Variants in ANKRD26 observed in about 807,000 individuals in gnomAD.
ANKRD26 encodes the protein ankyrin repeat domain-containing protein 26.
A neutral mutation model predicts 208.7 loss-of-function variants in ANKRD26; 141 were observed. That is an observed-to-expected ratio of 0.68 (90% CI 0.59 to 0.78). The LOEUF (loss-of-function observed/expected upper bound fraction) is 0.78, where lower values mean the gene tolerates loss of function less well. ANKRD26 is among the 30% of genes least tolerant of loss of function. ANKRD26 has a pLI of 0.00. For missense variants in ANKRD26, 1,889 were observed against 1,938.7 expected (o/e 0.97, Z 0.48); for synonymous variants, 636 against 660.4 (o/e 0.96, Z 0.57).
downstream of ANKRD26, among the ~76,000 whole-genome samples, chr10:26,989,750 G>C (rs914791222): frequency 8.5e-5 from 13 of 152,144 alleles, no homozygotes; most frequent in African/African-American, 2.4e-4. Context: ...CAGGAGGTAG[G>C]GTCTTGGAGG....
the ANKRD26 span, among the ~76,000 whole-genome samples, chr10:26,952,771 A>G: frequency 3.9e-5 from 6 of 152,360 alleles, no homozygotes; most frequent in East Asian, 7.7e-4. Context: ...AATTGGACAT[A>G]CGGCATTCAC....
downstream of ANKRD26, among the ~76,000 whole-genome samples, chr10:26,999,807 C>CAAA (rs68192322): frequency 1.6e-3 from 116 of 74,740 alleles, 1 homozygote; most frequent in East Asian, 0.025. Flanking sequence ...CAAAACCAAC[C>CAAA]AAAAAAAAAA....
chr10:26,979,823 G>A (rs1393670165), intron 5 of ANKRD26, among the ~76,000 whole-genome samples: 1 of 152,134 alleles, frequency 6.6e-6, no homozygotes, highest in Non-Finnish European at 1.5e-5. Context: ...ATAGTAACAG[G>A]CTGAGGGAAG....
At chr10:26,961,992 G>A in the ANKRD26 span, among the ~76,000 whole-genome samples, 3 of 152,200 alleles carry the variant, frequency 2.0e-5, no homozygotes, top group Admixed American at 2.0e-4. Context: ...TTCTGAGGGG[G>A]AAAGTGGGAA....
intron 12 of ANKRD26, chr10:27,062,220 T>A: frequency 1.0e-5 from 10 of 977,748 alleles, no homozygotes; most frequent in Non-Finnish European, 1.2e-5. Context: ...ATAGTTATCT[T>A]ATATCTACAA....
intron 17 of ANKRD26, among the ~76,000 whole-genome samples, chr10:27,048,335 A>G (rs1416369718): frequency 6.6e-6 from 1 of 152,208 alleles, no homozygotes; most frequent in Non-Finnish European, 1.5e-5. Context: ...ACATTATTTA[A>G]CATGTTATAC....
chr10:27,005,731 GA>G lies in ANKRD26; in HGVS notation c.5000-9del. On this transcript the variant is annotated splice_polypyrimidine_tract_variant and intron_variant, in intron 33 of 33. Transcript: ENST00000376087. ...ATTCCAATTCAGCAGCAGCTAGAAT[GA>G]AAAAGAAAGAATTATATTCCTTACC... 1 of 1,603,128 alleles carries G rather than the reference GA, an allele frequency of 6.2e-7. No homozygotes were observed.
At chr10:27,052,031 C>G in intron 16 of ANKRD26, 1 of 985,334 alleles carries the variant, frequency 1.0e-6, no homozygotes, top group South Asian at 4.7e-5. Context: ...ACTCCTTATT[C>G]AGTTCTGGTT....
Position 27,077,662 on chromosome 10 carries a change from A to C in ANKRD26, c.845T>G (p.Met282Arg). ...TTTCCTGGATTGCTGAGAAGCAGTC[A>C]TTAGCTTTGCTAAGCTTGGTTTTGG... The part of the protein sequence containing the change: ...NVPKPSLAKL[M>R]TASQQSRKNL... The change falls in exon 8 of 34, where the codon ATG becomes AGG. Residue 282 changes from methionine (M) to arginine (R), a missense_variant. By Grantham distance (91) the Met-to-Arg change is moderately conservative. This residue lies in a region of ANKRD26 where 1,272 missense variants were observed against 1,273.8 expected (regional missense o/e 1.00). Transcript: ENST00000376087. 6.2e-7 allele frequency: 1 copy of C among 1,613,280 alleles called. No homozygotes were observed. The highest frequency in any genetic ancestry group is 1.3e-5 in the African/African-American group (1 of 75,058).
At position 27,064,362 on chromosome 10, in the gene ANKRD26, C is replaced by T. The variant is rs78341724; in HGVS notation, c.1270-281G>A. ...TATTAACAGACAAAATATTAACTTA[C>T]GCGCACAGTTCAACAAGGAACTAAT... On this transcript the variant is annotated intron_variant, in intron 11 of 33. Transcript: ENST00000376087. Among the ~76,000 whole-genome samples, 1,764 of 152,204 alleles carry T rather than the reference C, an allele frequency of 0.012. 39 individuals are homozygous for T. Among genetic ancestry groups the T allele is most frequent in the African/African-American group, 0.04 (1,679 of 41,518 alleles).
At chr10:27,068,023 G>C (rs2055329162) in intron 9 of ANKRD26, among the ~76,000 whole-genome samples, 1 of 152,184 alleles carries the variant, frequency 6.6e-6, no homozygotes, top group African/African-American at 2.4e-5. Context: ...GGGCACAAAA[G>C]AGAACAGTAA....
rs910359568 is a variant in ANKRD26 at position 27,044,764 on chromosome 10, T to C, written c.1986-574A>G. Among the ~76,000 whole-genome samples the C allele has an allele frequency of 3.3e-5, 5 of 152,160 alleles. No individual in the cohort carries two copies. The East Asian group carries it at 9.6e-4, about 29-fold the overall frequency. Reference sequence around the variant, plus strand: ...GGTTGATAACATATTAGGTATTTTATAAAGGAAGAAAGTAGGCACAGGAAA... The same window carrying C: ...GGTTGATAACATATTAGGTATTTTACAAAGGAAGAAAGTAGGCACAGGAAA... On this transcript the variant is annotated intron_variant, in intron 18 of 33. Coordinates refer to ENST00000376087, the MANE Select transcript of ANKRD26 (RefSeq NM_014915.3).
At chr10:26,956,390 T>C in the ANKRD26 span, among the ~76,000 whole-genome samples, 1 of 152,186 alleles carries the variant, frequency 6.6e-6, no homozygotes, top group African/African-American at 2.4e-5. Flanking sequence ...GAAAGTATGG[T>C]ACATCTCTTA....
intron 9 of ANKRD26, among the ~76,000 whole-genome samples, chr10:27,071,560 T>C (rs972067199): frequency 6.6e-6 from 1 of 152,170 alleles, no homozygotes; most frequent in Admixed American, 6.5e-5. Flanking sequence ...GGAGGCACTG[T>C]GACCAAGACT....
intron 18 of ANKRD26, 69 bp from the exon 19 acceptor site, chr10:27,044,259 GT>G (rs1440502532): frequency 2.3e-6 from 3 of 1,277,930 alleles, no homozygotes; most frequent in South Asian, 2.7e-5. Flanking sequence ...TAAAACTATT[GT>G]TTTTTTAAAT....
chr10:27,086,268 T>TTTC lies in ANKRD26; in HGVS notation c.709+270_709+271insGAA, dbSNP rs112827543. ...ATAACATACTAACTTAAACACCTTT[T>TTTC]TTATTTATACAAAAATTTCATATAG... On this transcript the variant is annotated intron_variant, in intron 5 of 33. Transcript: ENST00000376087. Among the ~76,000 whole-genome samples, 35,657 of 151,982 alleles carry TTTC rather than the reference T, an allele frequency of 0.23. 4,801 individuals are homozygous for TTTC. The highest frequency in any genetic ancestry group is 0.55 in the East Asian group (2,847 of 5,156).
intron 3 of ANKRD26, among the ~76,000 whole-genome samples, chr10:27,092,881 G>A (rs1251981948): frequency 1.3e-5 from 2 of 152,092 alleles, no homozygotes; most frequent in Non-Finnish European, 2.9e-5. Context: ...TCAGGAGTTC[G>A]AGGCCCGCCT....
At position 27,043,547 on chromosome 10, in the gene ANKRD26, A is replaced by T. The variant is rs1313917725; in HGVS notation, c.2040T>A (p.Ser680=). 6.2e-7 allele frequency: 1 copy of T among 1,613,880 alleles called. No homozygotes were observed. Among genetic ancestry groups the T allele is most frequent in the South Asian group, 1.1e-5 (1 of 91,068 alleles). ...EKNKVKNQIQ[S]MDDVDDLTQS... The stretch of plus-strand genomic sequence containing the variant: ...GAGTTAAGTCATCAACATCATCCAT[A>T]GACTGTATTTGGTTTTTGACCTATG... Residue 680 remains serine, a synonymous_variant, in exon 20 of 34, where the codon TCT becomes TCA. Coordinates refer to ENST00000376087, the MANE Select transcript of ANKRD26 (RefSeq NM_014915.3).
intron 30 of ANKRD26, among the ~76,000 whole-genome samples, chr10:27,017,272 G>T (rs536316721): frequency 6.6e-6 from 1 of 152,028 alleles, no homozygotes; most frequent in South Asian, 2.1e-4. Flanking sequence ...TATGCCAACT[G>T]GTCTTAATAG....
Sources: allele counts gnomAD v4.1 joint callset (sites outside exome capture counted in the v4.1 genomes callset), GRCh38; gene constraint gnomAD v4.1.1; regional missense constraint gnomAD v4.1.1; transcripts MANE v1.5; gene names NCBI Gene and HGNC (gene_info 2026-07-23, HGNC 2026-07-21).